TMTC1: variants seen among roughly 807,000 people sequenced by gnomAD.
The protein encoded by TMTC1 is protein O-mannosyl-transferase TMTC1.
Under a neutral mutation model 104.8 loss-of-function variants are expected in TMTC1, and 73 were observed. The observed-to-expected ratio is 0.70, with a 90% CI of 0.58 to 0.85. TMTC1 has a LOEUF of 0.85. TMTC1 is among the 40% of genes least tolerant of loss of function. The probability of loss-of-function intolerance (pLI) is 0.00; values close to 1 mark genes in which losing one functional copy is unlikely to be tolerated. For synonymous variants in TMTC1, 434 were observed against 428.7 expected (o/e 1.01, Z -0.15); for missense variants, 1,035 against 1,096.1 (o/e 0.94, Z 0.79).
At chr12:29,581,046 A>G (rs995586777) in intron 8 of TMTC1, among the ~76,000 whole-genome samples, 1 of 152,216 alleles carries the variant, frequency 6.6e-6, no homozygotes, top group Admixed American at 6.5e-5. Flanking sequence ...CGAGTATTTT[A>G]CATTGTAAAA....
chr12:29,599,997 T>C (rs1323703054), intron 7 of TMTC1, among the ~76,000 whole-genome samples: 2 of 101,030 alleles, frequency 2.0e-5, no homozygotes, highest in Non-Finnish European at 4.4e-5. Flanking sequence ...TATATACATA[T>C]ATATATATAT....
chr12:29,648,582 C>T (rs144354139), intron 5 of TMTC1, among the ~76,000 whole-genome samples: 12 of 152,204 alleles, frequency 7.9e-5, no homozygotes, highest in South Asian at 2.1e-4. Flanking sequence ...GCTGCATCTA[C>T]GGCACACACC....
At chr12:29,747,928 A>G (rs1300924715) in intron 5 of TMTC1, among the ~76,000 whole-genome samples, 1 of 152,234 alleles carries the variant, frequency 6.6e-6, no homozygotes, top group African/African-American at 2.4e-5. Context: ...CTCTGTCTGC[A>G]GAGTCAGAGA....
rs191543563 is a variant in TMTC1, at chr12:29,760,159, C to T, written c.481-1382G>A. 8.0e-3 allele frequency among the ~76,000 whole-genome samples: 1,213 copies of T among 152,288 alleles called. 11 individuals are homozygous for T. The highest frequency in any genetic ancestry group is 9.8e-3 in the Non-Finnish European group (664 of 68,016). On this transcript the variant is annotated intron_variant, in intron 2 of 17. Coordinates refer to ENST00000539277, the MANE Select transcript of TMTC1 (RefSeq NM_001193451.2). ...ATAAGTATACTCTATGATGTTTGCA[C>T]AATGACAAAATCACCTAACCACTCA...
Position 29,512,070 on chromosome 12 carries a change from C to A in TMTC1, c.2481G>T (p.Met827Ile), listed in dbSNP as rs905901113. Reference sequence around the variant, plus strand: ...TGATGTGTTGGATGCCACCCATGTTCATCCAGGCCTGTGCTTGGTCTGGGT... The same window carrying A: ...TGATGTGTTGGATGCCACCCATGTTAATCCAGGCCTGTGCTTGGTCTGGGT... ...QLNPDQAQAWMNMGGIQHIKG... is the reference protein window; with the variant it reads ...QLNPDQAQAWINMGGIQHIKG... The change falls in exon 17 of 18, where the codon ATG becomes ATT. Residue 827 changes from methionine (M) to isoleucine (I), a missense_variant. Met to Ile is a conservative substitution (Grantham distance 10, BLOSUM62 1). Coordinates refer to ENST00000539277, the MANE Select transcript of TMTC1 (RefSeq NM_001193451.2). 7.4e-6 allele frequency: 12 copies of A among 1,614,128 alleles called. No homozygotes were observed. Among genetic ancestry groups the A allele is most frequent in the Non-Finnish European group, 1.0e-5 (12 of 1,179,982 alleles).
At chr12:29,509,445 C>T (rs1943774281) in intron 17 of TMTC1, among the ~76,000 whole-genome samples, 1 of 152,202 alleles carries the variant, frequency 6.6e-6, no homozygotes, top group Admixed American at 6.5e-5. Flanking sequence ...CTTGCTGGAG[C>T]TCTCAGGCCT....
chr12:29,558,956 C>G (rs1165000664), intron 9 of TMTC1, among the ~76,000 whole-genome samples: 2 of 152,226 alleles, frequency 1.3e-5, no homozygotes, highest in East Asian at 3.8e-4. Context: ...GAGCACATCA[C>G]AGCCAGGACT....
intron 5 of TMTC1, among the ~76,000 whole-genome samples, chr12:29,664,557 T>C (rs575392193): frequency 2.0e-5 from 3 of 152,110 alleles, no homozygotes; most frequent in Non-Finnish European, 2.9e-5. Context: ...ATAACAACAC[T>C]CAATAACAAT....
At chr12:29,681,857 C>T (rs1940930060) in intron 5 of TMTC1, among the ~76,000 whole-genome samples, 1 of 152,082 alleles carries the variant, frequency 6.6e-6, no homozygotes, top group African/African-American at 2.4e-5. Context: ...AGTAATTGCC[C>T]ATTTAATGAT....
chr12:29,549,041 T>C (rs1258679700), intron 10 of TMTC1, among the ~76,000 whole-genome samples: 2 of 145,918 alleles, frequency 1.4e-5, no homozygotes, highest in Non-Finnish European at 3.0e-5. Flanking sequence ...TTATATATTA[T>C]TTATATAAAT....
rs1285903837 is a variant in TMTC1, at chr12:29,655,276, T to G, written c.939-21940A>C. Among the ~76,000 whole-genome samples the G allele has an allele frequency of 2.6e-5, 4 of 152,254 alleles. No individual in the cohort carries two copies. The East Asian group carries it at 7.7e-4, about 29-fold the overall frequency. On this transcript the variant is annotated intron_variant, in intron 5 of 17. Transcript: ENST00000539277. ...GGTGGTCTATTATAAAATAACTATA[T>G]ACACATATACAAGCTGAATTTAAAA...
intron 10 of TMTC1, among the ~76,000 whole-genome samples, chr12:29,552,724 T>A (rs1225351820): frequency 6.6e-6 from 1 of 152,238 alleles, no homozygotes; most frequent in Non-Finnish European, 1.5e-5. Flanking sequence ...ACTGTTCACA[T>A]CTAAAGAGAT....
At chr12:29,530,571 C>A (rs1014071064) in intron 11 of TMTC1, among the ~76,000 whole-genome samples, 6 of 152,106 alleles carry the variant, frequency 3.9e-5, no homozygotes, top group Admixed American at 1.3e-4. Flanking sequence ...CATGTGCAAC[C>A]CCTTCATAAA....
chr12:29,638,507 C>T (rs1447641476), intron 5 of TMTC1, among the ~76,000 whole-genome samples: 1 of 152,108 alleles, frequency 6.6e-6, no homozygotes, highest in African/African-American at 2.4e-5. Context: ...TTTTCTGGTA[C>T]ACTAGGGCAA....
At chr12:29,626,375 G>A (rs1937994705) in intron 6 of TMTC1, among the ~76,000 whole-genome samples, 1 of 152,082 alleles carries the variant, frequency 6.6e-6, no homozygotes, top group African/African-American at 2.4e-5. Context: ...TAAATAGGAT[G>A]GTTAAAGTAG....
chr12:29,570,888 C>CAA (rs1279388394), intron 9 of TMTC1, among the ~76,000 whole-genome samples: 89,762 of 137,420 alleles, frequency 0.65, 32,898 homozygotes, highest in Middle Eastern at 0.76. Context: ...AACACCCCCC[C>CAA]CCCCCGCCAA....
chr12:29,740,746 G>A (rs302323), intron 5 of TMTC1, among the ~76,000 whole-genome samples: 77,699 of 151,878 alleles, frequency 0.51, 20,230 homozygotes, highest in African/African-American at 0.6. Flanking sequence ...TGCTAGGATT[G>A]TATGCATGAG....
intron 8 of TMTC1, among the ~76,000 whole-genome samples, chr12:29,581,220 C>T (rs908837017): frequency 6.6e-6 from 1 of 152,138 alleles, no homozygotes; most frequent in Non-Finnish European, 1.5e-5. Flanking sequence ...GTTTGACTGA[C>T]CTGAACATTA....
At chr12:29,596,021 TTTTGAGACGGAGTC>T (rs1447290889) in intron 7 of TMTC1, among the ~76,000 whole-genome samples, 6 of 152,308 alleles carry the variant, frequency 3.9e-5, no homozygotes, top group Admixed American at 6.5e-5. Flanking sequence ...CATTTTTTTT[TTTTGAGACGGAGTC>T]TCACTCTGTT....
Sources: gnomAD v4.1 joint callset for allele counts (sites outside exome capture counted in the v4.1 genomes callset) on GRCh38, gnomAD v4.1.1 for gene constraint, MANE v1.5 for transcripts, NCBI Gene and HGNC (gene_info 2026-07-23, HGNC 2026-07-21) for gene names.